The following ADAM18 variants were observed in gnomAD, a reference collection of about 807,000 sequenced individuals.
ADAM18 encodes ADAM metallopeptidase domain 18.
In ADAM18, 117 loss-of-function variants were observed where a neutral mutation model predicts 94.4. The ratio of observed to expected loss-of-function variants is 1.24; its 90% confidence interval spans 1.07 to 1.45. ADAM18 has a LOEUF of 1.45. Among genes scored for constraint, ADAM18 ranks in the 40% most tolerant of loss-of-function variants. The probability of loss-of-function intolerance (pLI) is 0.00; values close to 1 mark genes in which losing one functional copy is unlikely to be tolerated. For synonymous variants in ADAM18, 327 were observed against 291.6 expected (o/e 1.12, Z -1.24); for missense variants, 936 against 880.0 (o/e 1.06, Z -0.81).
At chr8:39,724,029 G>C (rs1412592215) in intron 19 of ADAM18, 122 bp downstream of exon 19, 4 of 667,912 alleles carry the variant, frequency 6.0e-6, no homozygotes, top group Middle Eastern at 4.7e-4. Context: ...TCTAATGTAA[G>C]TGGTATCTTT....
At chr8:39,695,833 C>T (rs74984626) in intron 17 of ADAM18, among the ~76,000 whole-genome samples, 2,968 of 151,390 alleles carry the variant, frequency 0.02, 91 homozygotes, top group African/African-American at 0.068. Context: ...ATTGATTTGC[C>T]TCTACCTTCT....
At chr8:39,717,432 TTTTTATC>T (rs1339983762) in intron 18 of ADAM18, among the ~76,000 whole-genome samples, 2 of 151,888 alleles carry the variant, frequency 1.3e-5, no homozygotes, top group African/African-American at 4.8e-5. Context: ...GTTTTATAAT[TTTTTATC>T]CTGACATTTT....
At chr8:39,636,334 G>A (rs1380247708) in intron 7 of ADAM18, among the ~76,000 whole-genome samples, 2 of 151,984 alleles carry the variant, frequency 1.3e-5, no homozygotes, top group East Asian at 1.9e-4. Flanking sequence ...TTAATGGGAA[G>A]GTTTAAAATT....
intron 2 of ADAM18, among the ~76,000 whole-genome samples, chr8:39,601,088 G>A (rs72641288): frequency 0.029 from 4,398 of 152,266 alleles, 86 homozygotes; most frequent in South Asian, 0.06. Context: ...AGAGAGAGGA[G>A]GAGGAGATGC....
In ADAM18 at chr8:39,663,877, C is replaced by T. The variant is rs1407646764; in HGVS notation, c.1313C>T (p.Thr438Ile). ...SVKCGSGPCCTSKCELSIAGT... is the reference protein window; with the variant it reads ...SVKCGSGPCCISKCELSIAGT... ...AAATGTGGTTCTGGACCATGTTGTA[C>T]ATCAAAGTGTGAGGTAAGTTACTAA... The change falls in exon 13 of 20, where the codon ACA (threonine) becomes ATA (isoleucine). Residue 438 changes from threonine (T) to isoleucine (I), a missense_variant. By Grantham distance (89) the Thr-to-Ile change is moderately conservative (BLOSUM62 -1). Transcript: ENST00000265707. The T allele has an allele frequency of 3.1e-6, 5 of 1,610,136 alleles. No homozygotes were observed. The highest frequency in any genetic ancestry group is 4.2e-6 in the Non-Finnish European group (5 of 1,178,504).
intron 18 of ADAM18, among the ~76,000 whole-genome samples, chr8:39,722,238 T>C (rs1387944357): frequency 2.3e-5 from 1 of 43,746 alleles, no homozygotes; most frequent in African/African-American, 4.0e-5. Context: ...TATATATATA[T>C]ATATATATAT....
intron 14 of ADAM18, among the ~76,000 whole-genome samples, chr8:39,668,511 C>T (rs1398961815): frequency 6.6e-6 from 1 of 152,050 alleles, no homozygotes; most frequent in Non-Finnish European, 1.5e-5. Flanking sequence ...CCTATTACTA[C>T]CCACATTCAT....
At chr8:39,699,319 T>G (rs1822003479) in intron 17 of ADAM18, among the ~76,000 whole-genome samples, 1 of 152,126 alleles carries the variant, frequency 6.6e-6, no homozygotes, top group Non-Finnish European at 1.5e-5. Context: ...AATATTTGCT[T>G]AACTTGCTAA....
At chr8:39,673,077 C>T (rs1821201508) in intron 14 of ADAM18, among the ~76,000 whole-genome samples, 1 of 152,130 alleles carries the variant, frequency 6.6e-6, no homozygotes, top group Non-Finnish European at 1.5e-5. Context: ...GAAATTAGTG[C>T]TACTTTTAAA....
intron 10 of ADAM18, among the ~76,000 whole-genome samples, chr8:39,642,093 A>G (rs1483740698): frequency 1.3e-5 from 2 of 151,852 alleles, no homozygotes; most frequent in South Asian, 2.1e-4. Flanking sequence ...CCTTTGCCCA[A>G]TTTTTATGGA....
intron 2 of ADAM18, among the ~76,000 whole-genome samples, chr8:39,599,558 T>C (rs771429474): frequency 3.3e-5 from 5 of 152,164 alleles, no homozygotes; most frequent in African/African-American, 4.8e-5. Context: ...GGTTTATATA[T>C]GTATATACAC....
chr8:39,722,101 T>C (rs1822767331), intron 18 of ADAM18, among the ~76,000 whole-genome samples: 1 of 149,440 alleles, frequency 6.7e-6, no homozygotes, highest in African/African-American at 2.5e-5. Context: ...GAGGACTGGA[T>C]AAAGAACACA....
intron 2 of ADAM18, among the ~76,000 whole-genome samples, chr8:39,603,501 G>T (rs1818969723): frequency 6.6e-6 from 1 of 152,072 alleles, no homozygotes; most frequent in South Asian, 2.1e-4. Flanking sequence ...TTTAACTAAG[G>T]TTGAACATTT....
intron 2 of ADAM18, among the ~76,000 whole-genome samples, chr8:39,603,204 A>G (rs1369170109): frequency 6.6e-6 from 1 of 152,038 alleles, no homozygotes; most frequent in African/African-American, 2.4e-5. Flanking sequence ...TCTTTTTTCT[A>G]TTCCATTTTT....
At chr8:39,681,852 A>G (rs1011719037) in intron 16 of ADAM18, among the ~76,000 whole-genome samples, 1 of 152,228 alleles carries the variant, frequency 6.6e-6, no homozygotes, top group Non-Finnish European at 1.5e-5. Context: ...GAATGTGTAC[A>G]TAATAAACTT....
In ADAM18 at chr8:39,701,466, A is replaced by G. The variant is rs1381891930; in HGVS notation, c.1903-5324A>G. ...ATTTTTCTTTTTTATTTTTTAATTA[A>G]TTATGAATTAATTTTTGGCTTTCAT... On this transcript the variant is annotated intron_variant, in intron 17 of 19. Coordinates refer to ENST00000265707, the MANE Select transcript of ADAM18 (RefSeq NM_014237.3). 2.6e-5 allele frequency among the ~76,000 whole-genome samples: 4 copies of G among 151,882 alleles called. No homozygotes were observed. In the East Asian group the frequency reaches 7.7e-4, roughly 29 times the overall value.
chr8:39,637,174 A>T, intron 7 of ADAM18, 90 bp from the exon 8 acceptor site: 1 of 980,640 alleles, frequency 1.0e-6, no homozygotes, highest in Admixed American at 2.7e-5. Context: ...GCTCTAGATT[A>T]CTTATAATAT....
At chr8:39,638,420 A>C in intron 9 of ADAM18, 45 bp from the exon 10 acceptor site, 1 of 1,325,626 alleles carries the variant, frequency 7.5e-7, no homozygotes, top group Non-Finnish European at 1.0e-6. Context: ...TAAGCTTACA[A>C]ATTGTTTTGC....
chr8:39,609,640 C>G, intron 5 of ADAM18, 79 bp downstream of exon 5: 1 of 952,202 alleles, frequency 1.1e-6, no homozygotes, highest in African/African-American at 1.6e-5. Flanking sequence ...CTAGCAGACA[C>G]AAATCATGGA....
Sources: gnomAD v4.1 joint callset for allele counts (sites outside exome capture counted in the v4.1 genomes callset) on GRCh38, gnomAD v4.1.1 for gene constraint, MANE v1.5 for transcripts, NCBI Gene and HGNC (gene_info 2026-07-23, HGNC 2026-07-21) for gene names.